C8orf89: variants seen among roughly 807,000 people sequenced by gnomAD.
The protein encoded by C8orf89 is chromosome 8 open reading frame 89, also known as putative uncharacterized protein C8orf89.
In C8orf89, 14 loss-of-function variants were observed where a neutral mutation model predicts 15.8. That is an observed-to-expected ratio of 0.89 (90% CI 0.59 to 1.39). The LOEUF is 1.39. Ranked by LOEUF, C8orf89 falls within the 40% of genes most tolerant of loss-of-function variation. The pLI is 0.00. For missense variants in C8orf89, 181 were observed against 184.5 expected, an observed-to-expected ratio of 0.98 and a Z score of 0.11; for synonymous variants, 55 against 62.2, an observed-to-expected ratio of 0.88 and a Z score of 0.54.
At chr8:73,242,088 T>C (rs1813019715) in intron 3 of C8orf89, among the ~76,000 whole-genome samples, 1 of 152,112 alleles carries the variant, frequency 6.6e-6, no homozygotes, top group Admixed American at 6.6e-5. Flanking sequence ...TGGTCAAAGA[T>C]TTCCTGAGTA....
At chr8:73,265,733 A>C in the C8orf89 span, among the ~76,000 whole-genome samples, 1 of 152,208 alleles carries the variant, frequency 6.6e-6, no homozygotes, top group African/African-American at 2.4e-5. Flanking sequence ...ACTGCTTATT[A>C]GGGAGCTTTA....
chr8:73,276,055 C>T, the C8orf89 span, among the ~76,000 whole-genome samples: 2 of 151,774 alleles, frequency 1.3e-5, no homozygotes, highest in Non-Finnish European at 2.9e-5. Flanking sequence ...GGTTTTTGTT[C>T]GCTCCCTTGT....
intron 3 of C8orf89, among the ~76,000 whole-genome samples, chr8:73,242,830 G>A (rs187071761): frequency 4.6e-5 from 7 of 152,260 alleles, no homozygotes; most frequent in Non-Finnish European, 7.4e-5. Context: ...AGGGAAATCG[G>A]TATATCAAAG....
At chr8:73,280,518 A>T in the C8orf89 span, among the ~76,000 whole-genome samples, 2 of 152,082 alleles carry the variant, frequency 1.3e-5, no homozygotes. Context: ...TTACAGGCAC[A>T]TGGCCCCAGG....
At chr8:73,251,149 C>T (rs910162342) in intron 2 of C8orf89, among the ~76,000 whole-genome samples, 3 of 152,066 alleles carry the variant, frequency 2.0e-5, no homozygotes, top group African/African-American at 7.2e-5. Context: ...TTAAGTACTC[C>T]ACCTCTAGGA....
At chr8:73,253,496 G>A (rs536358456) in intron 2 of C8orf89, among the ~76,000 whole-genome samples, 283 of 151,702 alleles carry the variant, frequency 1.9e-3, no homozygotes, top group African/African-American at 6.5e-3. Context: ...GCTTGATGGG[G>A]ATGGCATTGA....
chr8:73,270,634 G>A, the C8orf89 span, among the ~76,000 whole-genome samples: 1 of 152,190 alleles, frequency 6.6e-6, no homozygotes, highest in Non-Finnish European at 1.5e-5. Context: ...GTCCAGACGT[G>A]GTGGCTTACA....
chr8:73,279,250 A>G, the C8orf89 span, among the ~76,000 whole-genome samples: 1 of 152,220 alleles, frequency 6.6e-6, no homozygotes, highest in African/African-American at 2.4e-5. Context: ...AGAGATCGAT[A>G]TCTATAGAAG....
chr8:73,257,626 T>C (rs1813426728), intron 1 of C8orf89, among the ~76,000 whole-genome samples: 1 of 152,236 alleles, frequency 6.6e-6, no homozygotes, highest in Non-Finnish European at 1.5e-5. Flanking sequence ...ATACCAAATC[T>C]GTAAACCATC....
the C8orf89 span, among the ~76,000 whole-genome samples, chr8:73,271,431 G>C: frequency 6.6e-6 from 1 of 152,074 alleles, no homozygotes; most frequent in Non-Finnish European, 1.5e-5. Context: ...CTCAGGAGAG[G>C]GAGTTGTGAT....
the C8orf89 span, among the ~76,000 whole-genome samples, chr8:73,283,907 G>C: frequency 6.6e-6 from 1 of 151,998 alleles, no homozygotes; most frequent in East Asian, 1.9e-4. Flanking sequence ...CTCGAGCATG[G>C]TGGCACACAC....
intron 3 of C8orf89, among the ~76,000 whole-genome samples, chr8:73,242,092 CTGAG>C (rs1813020016): frequency 1.3e-5 from 2 of 152,148 alleles, no homozygotes; most frequent in Middle Eastern, 3.4e-3. Flanking sequence ...CAAAGATTTC[CTGAG>C]TAATACCCCA....
intron 2 of C8orf89, among the ~76,000 whole-genome samples, chr8:73,256,653 G>A (rs898246364): frequency 4.0e-5 from 6 of 150,420 alleles, no homozygotes; most frequent in African/African-American, 1.2e-4. Flanking sequence ...GCTGGAATCC[G>A]GGAGGCGGAG....
At chr8:73,272,450 T>C in the C8orf89 span, among the ~76,000 whole-genome samples, 83 of 152,004 alleles carry the variant, frequency 5.5e-4, no homozygotes, top group Middle Eastern at 3.5e-3. Flanking sequence ...TTCTTTTTTT[T>C]AATATATATA....
At chr8:73,266,287 C>T in the C8orf89 span, among the ~76,000 whole-genome samples, 1 of 152,300 alleles carries the variant, frequency 6.6e-6, no homozygotes, top group South Asian at 2.1e-4. Flanking sequence ...GTGAATGGAC[C>T]TGCTTATGGT....
At chr8:73,249,782 T>C (rs1049984301) in intron 3 of C8orf89, among the ~76,000 whole-genome samples, 2 of 152,166 alleles carry the variant, frequency 1.3e-5, no homozygotes, top group Non-Finnish European at 2.9e-5. Context: ...TAAGTTTCTG[T>C]ATTAGATGTC....
In C8orf89 at chr8:73,251,449, AGGCAGG is replaced by A. The variant is rs893075113; in HGVS notation, c.282-1132_282-1127del. Among the ~76,000 whole-genome samples the A allele has an allele frequency of 4.0e-4, 61 of 152,226 alleles. 2 individuals carry two copies. The highest frequency in any genetic ancestry group is 6.5e-5 in the Admixed American group (1 of 15,274). On this transcript the variant is annotated intron_variant, in intron 2 of 3. Coordinates refer to ENST00000624510, the MANE Select transcript of C8orf89 (RefSeq NM_001243237.3). ...GCTAAAATGAAGACACTTGAGTTAA[AGGCAGG>A]GAAAAGAACTAACACTTATGTTTGC... is the stretch of plus-strand genomic sequence containing the variant.
At chr8:73,255,724 G>A (rs2130278598) in intron 2 of C8orf89, among the ~76,000 whole-genome samples, 1 of 150,692 alleles carries the variant, frequency 6.6e-6, no homozygotes, top group East Asian at 1.9e-4. Flanking sequence ...GTCCAACAAT[G>A]ATAGACTGGA....
intron 1 of C8orf89, 141 bp downstream of exon 1, chr8:73,259,191 C>A: frequency 1.1e-5 from 6 of 526,540 alleles, no homozygotes; most frequent in South Asian, 8.8e-5. Context: ...AGTTTGCTTC[C>A]ATTTTTCTTT....
Sources: allele counts gnomAD v4.1 joint callset (sites outside exome capture counted in the v4.1 genomes callset), GRCh38; gene constraint gnomAD v4.1.1; transcripts MANE v1.5; gene names NCBI Gene and HGNC (gene_info 2026-07-23, HGNC 2026-07-21).